Variants in MYO1G observed in about 807,000 individuals in gnomAD.
MYO1G encodes the protein myosin IG, also known as unconventional myosin-Ig.
Under a neutral mutation model 115.3 loss-of-function variants are expected in MYO1G, and 65 were observed. The ratio of observed to expected loss-of-function variants is 0.56; its 90% CI spans 0.46 to 0.69. MYO1G has a LOEUF of 0.69. Ranked by LOEUF, MYO1G falls within the 30% of genes least tolerant of loss-of-function variation. The probability of loss-of-function intolerance (pLI) is 0.00; values close to 1 mark genes in which losing one functional copy is unlikely to be tolerated. For synonymous variants in MYO1G, 510 were observed against 552.6 expected (o/e 0.92, Z 1.08); for missense variants, 1,204 against 1,393.5 (o/e 0.86, Z 2.16).
Position 44,965,873 on chromosome 7 carries a change from G to C in MYO1G, c.2158-13C>G. The C allele has an allele frequency of 6.3e-7, 1 of 1,596,834 alleles. No homozygotes were observed. The highest frequency in any genetic ancestry group is 2.2e-5 in the East Asian group (1 of 44,858). On this transcript the variant is annotated splice_polypyrimidine_tract_variant and intron_variant, in intron 16 of 21. Transcript: ENST00000258787. ...TGCCCCGCCATGCCTGGGTGGGCCA[G>C]GTGGGATGGGATACGCAGTCAAATT... is the stretch of plus-strand genomic sequence containing the variant.
In MYO1G at chr7:44,963,047, C is replaced by T; in HGVS notation, c.2823G>A (p.Val941=). Reference sequence around the variant, plus strand: ...ATGGCGGCCGGGAGCGGTGCAGGCACACCACGAGGTCGTCCTGGCCGCGGG... The same window carrying T: ...ATGGCGGCCGGGAGCGGTGCAGGCATACCACGAGGTCGTCCTGGCCGCGGG... The part of the protein sequence containing the change: ...LHARGQDDLV[V]CLHRSRPPLD... The change falls in exon 21 of 22, where the codon GTG becomes GTA. Residue 941 remains valine (V), a synonymous_variant. Transcript: ENST00000258787. This position sits in a 1 kb window ranked among gnomAD's most constrained non-coding sequence, Gnocchi z 4.1. 1 of 1,528,488 alleles carries T rather than the reference C, an allele frequency of 6.5e-7. No individual in the cohort carries two copies. The highest frequency in any genetic ancestry group is 8.8e-7 in the Non-Finnish European group (1 of 1,142,828). The allele number at this position is 1,528,488 out of a possible 1,614,324, so 94.7% of individuals were successfully genotyped here. A position where few individuals can be genotyped will look rare whatever the true frequency, so the allele number is the denominator to read the frequency against.
Position 44,963,299 on chromosome 7 carries a change from CA to C in MYO1G, c.2746-176del. 1.5e-6 allele frequency: 1 copy of C among 658,466 alleles called. No individual in the cohort carries two copies. Among genetic ancestry groups the C allele is most frequent in the Non-Finnish European group, 2.4e-6 (1 of 415,486 alleles). The allele number at this position is 658,466 out of a possible 1,614,324, so 40.8% of individuals were successfully genotyped here. A position where few individuals can be genotyped will look rare whatever the true frequency, so the allele number is the denominator to read the frequency against. ...CTCCTCCCTCTCGGGGCCCTGCTGA[CA>C]GGGGGAAGCTTGGGCGGGACGCTGC... On this transcript the variant is annotated intron_variant, in intron 20 of 21. Transcript: ENST00000258787. The surrounding 1 kb of genome is among the most constrained non-coding windows in gnomAD (Gnocchi z 4.1).
chr7:44,966,355 C>CCTG lies in MYO1G; in HGVS notation c.1950-78_1950-76dup. The CCTG allele has an allele frequency of 7.6e-7, 1 of 1,312,470 alleles. No homozygotes were observed. 81.3% of individuals were successfully genotyped at this position (1,312,470 alleles called of 1,614,324 possible). On this transcript the variant is annotated intron_variant, in intron 15 of 21. Coordinates refer to ENST00000258787, the MANE Select transcript of MYO1G (RefSeq NM_033054.3). This position sits in a 1 kb window ranked among gnomAD's most constrained non-coding sequence, Gnocchi z 5.0. ...TGGAGCCCACCCTGCCCACCCCACA[C>CCTG]CTGGGGAGATGGCAGGGATACAGAG...
intron 14 of MYO1G, among the ~76,000 whole-genome samples, 177 bp downstream of exon 14, chr7:44,967,428 C>T (rs1033396515): frequency 1.3e-5 from 2 of 152,226 alleles, no homozygotes; most frequent in African/African-American, 4.8e-5. Context: ...TGAGGCCCCA[C>T]ATCTCACCTG....
At chr7:44,965,548 C>T (rs1365691366) in intron 17 of MYO1G, 89 bp downstream of exon 17, 1 of 1,254,192 alleles carries the variant, frequency 8.0e-7, no homozygotes, top group Non-Finnish European at 1.2e-6. Context: ...GGTGTATCTC[C>T]CATCCAGGCA....
Position 44,969,078 on chromosome 7 carries a change from C to T in MYO1G, c.1574+335G>A, listed in dbSNP as rs371317981. On this transcript the variant is annotated intron_variant, in intron 12 of 21. Transcript: ENST00000258787. The surrounding 1 kb of genome is among the most constrained non-coding windows in gnomAD (Gnocchi z 5.0). ...GAAATGCAGAATCTTGGCCCCCCTG[C>T]ACCTTCCACTCCCTCCCCACCCCCA... The T allele has an allele frequency of 1.0e-5, 3 of 298,696 alleles. No homozygotes were observed. Among genetic ancestry groups the T allele is most frequent in the South Asian group, 3.6e-5 (1 of 27,456 alleles). The allele number at this position is 298,696 out of a possible 1,614,324, so 18.5% of individuals were successfully genotyped here.
rs924374350 is a variant in MYO1G at position 44,963,176 on chromosome 7, T to C, written c.2746-52A>G. ...AGCCGCCTCAACCCGCACCCCAGCC[T>C]AGCCGGACTCACCCCCTCCCCAGGA... On this transcript the variant is annotated intron_variant, in intron 20 of 21. Coordinates refer to ENST00000258787, the MANE Select transcript of MYO1G (RefSeq NM_033054.3). The surrounding 1 kb of genome is among the most constrained non-coding windows in gnomAD (Gnocchi z 4.1). 16 of 1,383,568 alleles carry C rather than the reference T, an allele frequency of 1.2e-5. No homozygotes were observed. The highest frequency in any genetic ancestry group is 1.5e-5 in the Non-Finnish European group (16 of 1,073,988). 85.7% of individuals were successfully genotyped at this position (1,383,568 alleles called of 1,614,324 possible).
chr7:44,967,320 T>A (rs1794864702), intron 14 of MYO1G, among the ~76,000 whole-genome samples: 1 of 152,140 alleles, frequency 6.6e-6, no homozygotes, highest in Non-Finnish European at 1.5e-5. Context: ...CAAGCCAGCC[T>A]CTCAGCAGGG....
In MYO1G at chr7:44,965,637, C is replaced by G; in HGVS notation, c.2381G>C (p.Arg794Thr). Residue 794 changes from arginine to threonine, a missense_variant and splice_region_variant, in exon 17 of 22, where the codon AGG becomes ACG. Coordinates refer to ENST00000258787, the MANE Select transcript of MYO1G (RefSeq NM_033054.3). ...ATGTGTGGTGGGCTGAGAGTAGTAC[C>G]TGCAGAAGAGTGCGTGGCAGGTGTC... ...FQDTCHALFC[R>T]WRARQLVKNI... The G allele has an allele frequency of 6.2e-7, 1 of 1,612,970 alleles. No individual in the cohort carries two copies. The highest frequency in any genetic ancestry group is 8.5e-7 in the Non-Finnish European group (1 of 1,179,320).
chr7:44,972,279 A>G, intron 5 of MYO1G, 54 bp from the exon 6 acceptor site: 1 of 1,228,498 alleles, frequency 8.1e-7, no homozygotes, highest in South Asian at 1.2e-5. Flanking sequence ...GTCCCCCTGT[A>G]CACACACACA....
chr7:44,972,933 TGGGA>T (rs1297434709), intron 5 of MYO1G: 1 of 151,916 alleles, frequency 6.6e-6, no homozygotes, highest in Non-Finnish European at 1.5e-5. Context: ...TCCACTTCAG[TGGGA>T]GCTTAGAGTC....
rs1467641386 is a variant in MYO1G, at chr7:44,966,015, T to A, written c.2157+58A>T. The A allele has an allele frequency of 8.2e-6, 13 of 1,585,444 alleles. No homozygotes were observed. In the East Asian group the frequency reaches 2.7e-4, roughly 33 times the overall value. ...AACTTACAAGTGTGTTTGTGGCCCC[T>A]GGGACACAAGCTTTCCCCACCTCCA... On this transcript the variant is annotated intron_variant, in intron 16 of 21. Transcript: ENST00000258787. This position sits in a 1 kb window ranked among gnomAD's most constrained non-coding sequence, Gnocchi z 5.0.
Position 44,966,950 on chromosome 7 carries a change from G to A in MYO1G, c.1783-112C>T. The stretch of plus-strand genomic sequence containing the variant: ...GGTCCCAGGCCAGGAGAAGAGTTGG[G>A]AACAAAGAAGGGAAATCAGCAGAAC... On this transcript the variant is annotated intron_variant, in intron 14 of 21. Transcript: ENST00000258787. This position sits in a 1 kb window ranked among gnomAD's most constrained non-coding sequence, Gnocchi z 5.0. The A allele has an allele frequency of 8.4e-7, 1 of 1,196,372 alleles. No individual in the cohort carries two copies. Among genetic ancestry groups the A allele is most frequent in the Admixed American group, 2.3e-5 (1 of 43,214 alleles). 74.1% of individuals were successfully genotyped at this position (1,196,372 alleles called of 1,614,324 possible). A position where few individuals can be genotyped will look rare whatever the true frequency, so the allele number is the denominator to read the frequency against.
Position 44,969,528 on chromosome 7 carries a change from G to A in MYO1G, c.1504-45C>T. On this transcript the variant is annotated intron_variant, in intron 11 of 21. Coordinates refer to ENST00000258787, the MANE Select transcript of MYO1G (RefSeq NM_033054.3). This position sits in a 1 kb window ranked among gnomAD's most constrained non-coding sequence, Gnocchi z 5.0. ...TCAAGGCACAAAAGGTATGTGGAGG[G>A]TCTGTATGAAGGGATAGCCCTGCCT... The A allele has an allele frequency of 6.2e-7, 1 of 1,606,092 alleles. No individual in the cohort carries two copies. Among genetic ancestry groups the A allele is most frequent in the South Asian group, 1.1e-5 (1 of 90,934 alleles).
At chr7:44,975,747 CA>C in intron 3 of MYO1G, 98 bp from the exon 4 acceptor site, 1 of 1,329,908 alleles carries the variant, frequency 7.5e-7, no homozygotes. Context: ...CACAGCATCT[CA>C]GGATGAGTTC....
rs1794874351 is a variant in MYO1G at position 44,967,798 on chromosome 7, C to G, written c.1650-61G>C. On this transcript the variant is annotated intron_variant, in intron 13 of 21. Transcript: ENST00000258787. ...GGAGAGCAGCCCCACCCACCCACGTCCTGACGCTAGTCAATGCCTGACCCC... is the reference window on the plus strand; with the variant it reads ...GGAGAGCAGCCCCACCCACCCACGTGCTGACGCTAGTCAATGCCTGACCCC... 5 of 1,611,928 alleles carry G rather than the reference C, an allele frequency of 3.1e-6. No homozygotes were observed. In the Admixed American group the frequency reaches 8.3e-5, roughly 27 times the overall value.
chr7:44,965,068 C>T lies in MYO1G; in HGVS notation c.2403G>A (p.Val801=), dbSNP rs1045047395. ...LFCRWRARQL[V]KNIPPSDMPQ... is the part of the protein sequence containing the mutation. Reference sequence around the variant, plus strand: ...GCATGTCTGAAGGGGGGATGTTCTTCACCAGCTGCCGGGCCCGCCACCTGG... The same window carrying T: ...GCATGTCTGAAGGGGGGATGTTCTTTACCAGCTGCCGGGCCCGCCACCTGG... Residue 801 remains valine, a synonymous_variant, in exon 18 of 22, where the codon GTG becomes GTA. Coordinates refer to ENST00000258787, the MANE Select transcript of MYO1G (RefSeq NM_033054.3). 1.9e-6 allele frequency: 3 copies of T among 1,608,586 alleles called. No individual in the cohort carries two copies. Among genetic ancestry groups the T allele is most frequent in the African/African-American group, 2.7e-5 (2 of 74,850 alleles).
intron 9 of MYO1G, 27 bp from the exon 10 acceptor site, chr7:44,970,181 G>A (rs369403005): frequency 1.4e-5 from 21 of 1,495,774 alleles, no homozygotes; most frequent in Middle Eastern, 3.4e-4. Context: ...CCTTTCAGAG[G>A]GGAGGTCGCT....
At position 44,969,681 on chromosome 7, in the gene MYO1G, T is replaced by C. The variant is rs1794915432; in HGVS notation, c.1503+24A>G. 1 of 1,608,876 alleles carries C rather than the reference T, an allele frequency of 6.2e-7. No individual in the cohort carries two copies. Among genetic ancestry groups the C allele is most frequent in the African/African-American group, 1.3e-5 (1 of 74,816 alleles). On this transcript the variant is annotated intron_variant, in intron 11 of 21. Transcript: ENST00000258787. The surrounding 1 kb of genome is among the most constrained non-coding windows in gnomAD (Gnocchi z 5.0). ...GGCAGGTCCCACCAGCCCACTGTGG[T>C]GGCACTGGGACAGCCGGGGGCACCT...
Sources: allele counts gnomAD v4.1 joint callset (sites outside exome capture counted in the v4.1 genomes callset), GRCh38; gene constraint gnomAD v4.1.1; non-coding constraint Gnocchi (gnomAD v3.1); transcripts MANE v1.5; gene names NCBI Gene and HGNC (gene_info 2026-07-23, HGNC 2026-07-21).